Variants in WBP1L observed in about 807,000 individuals in gnomAD.
WBP1L encodes the protein WW domain binding protein 1 like.
WBP1L carries 17 observed loss-of-function variants against 33.7 expected under a neutral mutation model. That is an observed-to-expected ratio of 0.50 (90% CI 0.34 to 0.76). WBP1L has a LOEUF of 0.76. Among genes scored for constraint, WBP1L ranks in the 30% least tolerant of loss-of-function variants. WBP1L has a pLI of 0.01. For missense variants in WBP1L, 389 were observed against 469.4 expected, an observed-to-expected ratio of 0.83 and a Z score of 1.58; for synonymous variants, 173 against 190.8, an observed-to-expected ratio of 0.91 and a Z score of 0.77.
chr10:102,813,627 G>T lies in WBP1L; in HGVS notation c.*296G>T. 2.3e-6 allele frequency: 1 copy of T among 430,218 alleles called. No homozygotes were observed. The highest frequency in any genetic ancestry group is 4.2e-6 in the Non-Finnish European group (1 of 240,336). 26.7% of individuals were successfully genotyped at this position (430,218 alleles called of 1,614,324 possible). ...AAGTCAAATCTCACCTACCTGTTTG[G>T]GTCAGAGAGATGTGTTTTAAAAGCC... On this transcript the variant is annotated 3_prime_UTR_variant, in exon 4 of 4. Transcript: ENST00000448841.
intron 1 of WBP1L, among the ~76,000 whole-genome samples, chr10:102,797,787 G>A (rs1299507906): frequency 5.3e-5 from 8 of 152,134 alleles, no homozygotes; most frequent in East Asian, 1.9e-4. Flanking sequence ...TCCTGACCTC[G>A]CGATCTGCCT....
Position 102,815,149 on chromosome 10 carries a change from C to T in WBP1L, c.*1818C>T, listed in dbSNP as rs897656109. 2.0e-5 allele frequency: 3 copies of T among 152,602 alleles called. No homozygotes were observed. Among genetic ancestry groups the T allele is most frequent in the Admixed American group, 6.5e-5 (1 of 15,272 alleles). The allele number at this position is 152,602 out of a possible 1,614,324, so 9.5% of individuals were successfully genotyped here. ...AGGCCTCTCAAGGTCATTGATCTTA[C>T]GCATTTACTGTTTACCGAACAAATG... is the stretch of plus-strand genomic sequence containing the variant. On this transcript the variant is annotated 3_prime_UTR_variant, in exon 4 of 4. Transcript: ENST00000448841.
chr10:102,752,684 G>A (rs1273327140), intron 1 of WBP1L, among the ~76,000 whole-genome samples: 1 of 152,120 alleles, frequency 6.6e-6, no homozygotes, highest in Non-Finnish European at 1.5e-5. Context: ...ACTGAGTCAT[G>A]TTCTTAGAAC....
intron 1 of WBP1L, among the ~76,000 whole-genome samples, chr10:102,773,674 G>C (rs1169387793): frequency 1.3e-5 from 2 of 152,050 alleles, no homozygotes; most frequent in East Asian, 1.9e-4. Flanking sequence ...GATCACTTGA[G>C]GACAAGAGTT....
At position 102,813,285 on chromosome 10, in the gene WBP1L, A is replaced by G. The variant is rs1327285846; in HGVS notation, c.1046A>G (p.Asn349Ser). Residue 349 changes from asparagine (N) to serine (S), a missense_variant, in exon 4 of 4, where the codon AAC (asparagine) becomes AGC (serine). By Grantham distance (46) the Asn-to-Ser change is conservative. Coordinates refer to ENST00000448841, the MANE Select transcript of WBP1L (RefSeq NM_001083913.2). The part of the protein sequence containing the change: ...PPACLLLNTI[N>S]EQDSPNSQSS... ...GCATGCCTGCTGCTGAACACCATCA[A>G]CGAGCAGGACTCTCCCAACTCCCAG... The G allele has an allele frequency of 1.9e-6, 3 of 1,612,454 alleles. No homozygotes were observed. Among genetic ancestry groups the G allele is most frequent in the African/African-American group, 2.7e-5 (2 of 74,858 alleles).
At chr10:102,792,592 C>CTTTTTTTTTTTTTT (rs11368357) in intron 1 of WBP1L, among the ~76,000 whole-genome samples, 2 of 103,584 alleles carry the variant, frequency 1.9e-5, no homozygotes, top group Non-Finnish European at 4.0e-5. Context: ...TTTTTCTTTT[C>CTTTTTTTTTTTTTT]TTTTTTTTTT....
At chr10:102,803,324 T>C (rs1044532939) in intron 2 of WBP1L, among the ~76,000 whole-genome samples, 3 of 152,330 alleles carry the variant, frequency 2.0e-5, no homozygotes, top group Admixed American at 2.0e-4. Flanking sequence ...AGCCTCCTAA[T>C]GGGGAATTTC....
intron 3 of WBP1L, among the ~76,000 whole-genome samples, chr10:102,812,335 C>T (rs1377630951): frequency 4.6e-5 from 7 of 152,152 alleles, no homozygotes; most frequent in Non-Finnish European, 2.9e-5. Flanking sequence ...TCCCAACAGG[C>T]GTGAAGTCCT....
At chr10:102,789,747 CTT>C (rs759423576) in intron 1 of WBP1L, among the ~76,000 whole-genome samples, 21 of 138,166 alleles carry the variant, frequency 1.5e-4, no homozygotes, top group Admixed American at 3.7e-4. Flanking sequence ...AATTTTGTAT[CTT>C]TTTTTTTTTT....
chr10:102,809,906 G>C lies in WBP1L; in HGVS notation c.207G>C (p.Val69=). 6.2e-7 allele frequency: 1 copy of C among 1,612,814 alleles called. No homozygotes were observed. The highest frequency in any genetic ancestry group is 8.5e-7 in the Non-Finnish European group (1 of 1,179,422). Residue 69 remains valine (V), a synonymous_variant, in exon 3 of 4, where the codon GTG becomes GTC. Transcript: ENST00000448841. ...CCCACCCCCCAGGGTTCTGGCTGGT[G>C]TGGACCATCATCATCATCCTGAGCT... ...YYYELWWFWL[V]WTIIIILSCC... is the part of the protein sequence containing the mutation.
At chr10:102,773,284 A>G (rs937188483) in intron 1 of WBP1L, among the ~76,000 whole-genome samples, 25 of 152,296 alleles carry the variant, frequency 1.6e-4, no homozygotes, top group African/African-American at 5.8e-4. Context: ...GCTGTAGGCA[A>G]GAAGTTGATA....
At chr10:102,761,729 A>G (rs1590169855) in intron 1 of WBP1L, among the ~76,000 whole-genome samples, 1 of 151,438 alleles carries the variant, frequency 6.6e-6, no homozygotes, top group Non-Finnish European at 1.5e-5. Context: ...TTGTATTTTT[A>G]GTAGAGATGG....
intron 1 of WBP1L, chr10:102,746,018 GTC>G: frequency 2.8e-6 from 1 of 354,330 alleles, no homozygotes; most frequent in Non-Finnish European, 4.0e-6. Flanking sequence ...CGAAAAGGCT[GTC>G]CCCAGTAACC....
At chr10:102,812,571 C>A in intron 3 of WBP1L, 24 bp from the exon 4 acceptor site, 1 of 1,547,122 alleles carries the variant, frequency 6.5e-7, no homozygotes, top group Non-Finnish European at 8.7e-7. Context: ...GCAGTAATTT[C>A]TCCTTCCTAC....
intron 1 of WBP1L, among the ~76,000 whole-genome samples, chr10:102,777,005 C>G (rs1183064415): frequency 6.6e-6 from 1 of 152,030 alleles, no homozygotes; most frequent in Non-Finnish European, 1.5e-5. Context: ...CAAAAAGACC[C>G]CTGTGGCAGA....
At chr10:102,761,427 A>G (rs1843039772) in intron 1 of WBP1L, among the ~76,000 whole-genome samples, 1 of 151,164 alleles carries the variant, frequency 6.6e-6, no homozygotes, top group African/African-American at 2.4e-5. Flanking sequence ...GGCGTGAGCC[A>G]CTACACTCAG....
intron 1 of WBP1L, among the ~76,000 whole-genome samples, chr10:102,765,962 T>G (rs1268112604): frequency 6.6e-6 from 1 of 152,168 alleles, no homozygotes; most frequent in African/African-American, 2.4e-5. Context: ...ATGTCTCTCT[T>G]TATCTCACCC....
chr10:102,793,337 C>T (rs554852634), intron 1 of WBP1L, among the ~76,000 whole-genome samples: 1 of 152,034 alleles, frequency 6.6e-6, no homozygotes, highest in Non-Finnish European at 1.5e-5. Context: ...CCTAGCTACT[C>T]GGGAGGCTGA....
chr10:102,744,532 G>A (rs759085696), intron 1 of WBP1L: 21 of 967,552 alleles, frequency 2.2e-5, no homozygotes, highest in Non-Finnish European at 2.6e-5. Context: ...AGGCTATTGA[G>A]TTGGCCTGTG....
Sources: allele counts gnomAD v4.1 joint callset (sites outside exome capture counted in the v4.1 genomes callset), GRCh38; gene constraint gnomAD v4.1.1; transcripts MANE v1.5; gene names NCBI Gene and HGNC (gene_info 2026-07-23, HGNC 2026-07-21).